Variants in COL4A2 observed in about 807,000 individuals in gnomAD.
The protein encoded by COL4A2 is collagen type IV alpha 2 chain.
COL4A2 carries 99 observed loss-of-function variants against 200.2 expected under a neutral mutation model. That is an observed-to-expected ratio of 0.49 (90% CI 0.42 to 0.58). The LOEUF (loss-of-function observed/expected upper bound fraction) is 0.58. Among genes scored for constraint, COL4A2 ranks in the 20% least tolerant of loss-of-function variants. The pLI, the probability that COL4A2 is intolerant of heterozygous loss-of-function variation, is 0.00. For synonymous variants in COL4A2, 897 were observed against 900.6 expected (o/e 1.00, Z 0.07); for missense variants, 1,950 against 2,314.1 (o/e 0.84, Z 3.23).
At position 110,462,172 on chromosome 13, in the gene COL4A2, C is replaced by A. The variant is rs112262533; in HGVS notation, c.1655C>A (p.Thr552Lys). Residue 552 changes from threonine to lysine, a missense_variant, in exon 23 of 48, where the codon ACA becomes AAA. Around this residue, in one of 2 missense-constraint regions of COL4A2, gnomAD observed 1,385 missense variants for 1,720.5 expected, o/e 0.80. Transcript: ENST00000360467. ...GPKGAKGDSR[T>K]ITTKGERGQP... ...AAAGGAGCAAAAGGAGATTCCAGAA[C>A]AATCACAACCAAAGGTGAGTTCCTC... 1,708 of 1,614,264 alleles carry A rather than the reference C, an allele frequency of 1.1e-3. 8 individuals are homozygous for A. The African/African-American group carries it at 0.015, about 14-fold the overall frequency.
chr13:110,370,951 G>A (rs1452393432), intron 4 of COL4A2, among the ~76,000 whole-genome samples: 1 of 152,234 alleles, frequency 6.6e-6, no homozygotes, highest in Non-Finnish European at 1.5e-5. Flanking sequence ...GACTGAGGAA[G>A]TTAACAAAAA....
At chr13:110,444,699 C>G (rs1881257906) in intron 16 of COL4A2, among the ~76,000 whole-genome samples, 1 of 152,208 alleles carries the variant, frequency 6.6e-6, no homozygotes, top group African/African-American at 2.4e-5. Context: ...ATTTTGAGAG[C>G]TGAACCATGC....
chr13:110,320,026 G>GC (rs1038280821), intron 3 of COL4A2, among the ~76,000 whole-genome samples: 1 of 152,234 alleles, frequency 6.6e-6, no homozygotes, highest in Non-Finnish European at 1.5e-5. Flanking sequence ...ACATCAAGGC[G>GC]CCAGAGGTTG....
chr13:110,325,044 G>A (rs1279309428), intron 3 of COL4A2, among the ~76,000 whole-genome samples: 2 of 152,198 alleles, frequency 1.3e-5, no homozygotes, highest in Non-Finnish European at 2.9e-5. Context: ...GCCTTCACAT[G>A]CACAAGGAGG....
intron 34 of COL4A2, among the ~76,000 whole-genome samples, chr13:110,487,127 G>A (rs1883143394): frequency 6.6e-6 from 1 of 152,210 alleles, no homozygotes; most frequent in South Asian, 2.1e-4. Context: ...CTTCTAGCCA[G>A]TCTGTGTGTG....
intron 14 of COL4A2, 97 bp from the exon 15 acceptor site, chr13:110,438,521 G>T (rs767050940): frequency 4.0e-6 from 6 of 1,495,648 alleles, no homozygotes; most frequent in African/African-American, 1.4e-5. Context: ...TCGGGGCTGA[G>T]AACACAGAGT....
At chr13:110,455,788 C>G (rs770548060) in intron 20 of COL4A2, among the ~76,000 whole-genome samples, 2 of 152,184 alleles carry the variant, frequency 1.3e-5, no homozygotes, top group Non-Finnish European at 1.5e-5. Context: ...TGCAAACTCC[C>G]GTGCTCTTTT....
rs1016008795 is a variant in COL4A2, at chr13:110,512,293, A to C, written c.*102A>C. 3 of 1,323,156 alleles carry C rather than the reference A, an allele frequency of 2.3e-6. No individual in the cohort carries two copies. Among genetic ancestry groups the C allele is most frequent in the East Asian group, 2.5e-5 (1 of 39,378 alleles). The allele number at this position is 1,323,156 out of a possible 1,614,324, so 82.0% of individuals were successfully genotyped here. A position where few individuals can be genotyped will look rare whatever the true frequency, so the allele number is the denominator to read the frequency against. Reference sequence around the variant, plus strand: ...TTTATTTTTTTCTTAAAAAAAAAAAAGTCTACCAAAGGAATTTGCATCCAG... The same window carrying C: ...TTTATTTTTTTCTTAAAAAAAAAAACGTCTACCAAAGGAATTTGCATCCAG... On this transcript the variant is annotated 3_prime_UTR_variant, in exon 48 of 48. Coordinates refer to ENST00000360467, the MANE Select transcript of COL4A2 (RefSeq NM_001846.4).
At position 110,424,943 on chromosome 13, in the gene COL4A2, T is replaced by G; in HGVS notation, c.316-10T>G. The G allele has an allele frequency of 1.2e-6, 2 of 1,614,256 alleles. No homozygotes were observed. Among genetic ancestry groups the G allele is most frequent in the Non-Finnish European group, 1.7e-6 (2 of 1,180,052 alleles). On this transcript the variant is annotated splice_polypyrimidine_tract_variant and intron_variant, in intron 5 of 47. Coordinates refer to ENST00000360467, the MANE Select transcript of COL4A2 (RefSeq NM_001846.4). The stretch of plus-strand genomic sequence containing the variant: ...TCAGCCTTGGTTAATTGCATTTGCT[T>G]TCTTCATAGGGAGCAAGAGGCGTTT...
At chr13:110,398,036 A>G (rs1879241657) in intron 4 of COL4A2, among the ~76,000 whole-genome samples, 1 of 152,058 alleles carries the variant, frequency 6.6e-6, no homozygotes, top group African/African-American at 2.4e-5. Flanking sequence ...ACACCATTAC[A>G]TTTTGAAGGG....
rs1448188532 is a variant in COL4A2 at position 110,307,630 on chromosome 13, A to G, written c.-45+102A>G. On this transcript the variant is annotated intron_variant, in intron 1 of 47. Transcript: ENST00000360467. The surrounding 1 kb of genome is among the most constrained non-coding windows in gnomAD (Gnocchi z 5.0). ...TGCACGCTCTCCTGCTTGGGAGTAG[A>G]AAGGGGGAGGGTGGGAGAGCGAAGA... The G allele has an allele frequency of 9.2e-6, 5 of 544,816 alleles. No individual in the cohort carries two copies. Among genetic ancestry groups the G allele is most frequent in the Non-Finnish European group, 1.6e-5 (5 of 309,986 alleles). The allele number at this position is 544,816 out of a possible 1,614,324, so 33.7% of individuals were successfully genotyped here. A position where few individuals can be genotyped will look rare whatever the true frequency, so the allele number is the denominator to read the frequency against.
At chr13:110,418,796 A>G (rs1880139132) in intron 4 of COL4A2, among the ~76,000 whole-genome samples, 1 of 152,222 alleles carries the variant, frequency 6.6e-6, no homozygotes, top group African/African-American at 2.4e-5. Context: ...GCTGATAGTT[A>G]TCTGTGTAAT....
intron 3 of COL4A2, among the ~76,000 whole-genome samples, chr13:110,318,961 C>G (rs140402088): frequency 2.6e-5 from 4 of 152,010 alleles, no homozygotes; most frequent in Non-Finnish European, 5.9e-5. Context: ...GCAGGATTCT[C>G]GGTTCTGCAG....
intron 4 of COL4A2, among the ~76,000 whole-genome samples, chr13:110,391,967 G>C (rs912718326): frequency 2.0e-5 from 3 of 152,324 alleles, no homozygotes; most frequent in African/African-American, 7.2e-5. Flanking sequence ...ATCCCAGCAG[G>C]TGTCTCCTCT....
chr13:110,317,063 C>T (rs1478738677), intron 3 of COL4A2, among the ~76,000 whole-genome samples: 1 of 151,714 alleles, frequency 6.6e-6, no homozygotes, highest in African/African-American at 2.4e-5. Context: ...CACACAGGCA[C>T]ACGTAGACAC....
intron 4 of COL4A2, among the ~76,000 whole-genome samples, chr13:110,368,001 G>A (rs920003943): frequency 6.6e-6 from 1 of 152,224 alleles, no homozygotes; most frequent in African/African-American, 2.4e-5. Flanking sequence ...CAGGAAGCCA[G>A]GCTTCCTGCA....
intron 4 of COL4A2, among the ~76,000 whole-genome samples, chr13:110,378,092 G>A (rs1332144447): frequency 6.6e-6 from 1 of 152,204 alleles, no homozygotes; most frequent in Non-Finnish European, 1.5e-5. Flanking sequence ...CAGGCGTCTC[G>A]AATCGAGATG....
At chr13:110,418,314 T>C (rs117927593) in intron 4 of COL4A2, among the ~76,000 whole-genome samples, 3,291 of 152,338 alleles carry the variant, frequency 0.022, 56 homozygotes, top group Middle Eastern at 0.071. Flanking sequence ...TCTCCCAGTC[T>C]GTCCCCTGCC....
At chr13:110,338,486 G>A (rs117505015) in intron 3 of COL4A2, among the ~76,000 whole-genome samples, 2,945 of 152,184 alleles carry the variant, frequency 0.019, 39 homozygotes, top group Non-Finnish European at 0.028. Context: ...AGGCTCTAGG[G>A]AGCCCGTTAA....
Sources: allele counts gnomAD v4.1 joint callset (sites outside exome capture counted in the v4.1 genomes callset), GRCh38; gene constraint gnomAD v4.1.1; regional missense constraint gnomAD v4.1.1; non-coding constraint Gnocchi (gnomAD v3.1); transcripts MANE v1.5; gene names NCBI Gene and HGNC (gene_info 2026-07-23, HGNC 2026-07-21).